CEP41: variants seen among roughly 807,000 people sequenced by gnomAD.
The protein encoded by CEP41 is centrosomal protein 41.
CEP41 carries 32 observed loss-of-function variants against 44.3 expected under a neutral mutation model. The ratio of observed to expected loss-of-function variants is 0.72; its 90% CI spans 0.54 to 0.97. The LOEUF (loss-of-function observed/expected upper bound fraction) is 0.97. Among genes scored for constraint, CEP41 ranks in the 50% least tolerant of loss-of-function variants. CEP41 has a pLI of 0.00. For synonymous variants in CEP41, 151 were observed against 168.5 expected (o/e 0.90, Z 0.80); for missense variants, 432 against 455.2 (o/e 0.95, Z 0.46).
chr7:130,411,329 C>T (rs187775875), intron 4 of CEP41, 138 bp from the exon 5 acceptor site: 17 of 726,938 alleles, frequency 2.3e-5, no homozygotes, highest in African/African-American at 6.9e-5. Context: ...CTCAACTGAA[C>T]GCTGAATCTC....
intron 1 of CEP41, among the ~76,000 whole-genome samples, chr7:130,433,332 A>G (rs902453064): frequency 2.6e-5 from 4 of 151,944 alleles, no homozygotes; most frequent in Admixed American, 6.6e-5. Context: ...TTGTTTTGAA[A>G]AAAAAAAAAA....
chr7:130,410,390 C>T (rs1797145646), intron 5 of CEP41, among the ~76,000 whole-genome samples: 1 of 152,076 alleles, frequency 6.6e-6, no homozygotes, highest in Non-Finnish European at 1.5e-5. Context: ...TTGGAACTCT[C>T]CCACAACATC....
chr7:130,411,891 T>C, intron 4 of CEP41: 1 of 277,194 alleles, frequency 3.6e-6, no homozygotes, highest in Non-Finnish European at 6.7e-6. Context: ...AGATTCTAAA[T>C]ATTAAGTTAA....
At position 130,401,907 on chromosome 7, in the gene CEP41, G is replaced by C. The variant is rs143303575; in HGVS notation, c.616C>G (p.Pro206Ala). Residue 206 changes from proline to alanine, a missense_variant, in exon 8 of 11, where the codon CCT becomes GCT. Pro to Ala is a conservative substitution (Grantham distance 27). Transcript: ENST00000223208. Reference protein sequence around the residue: ...PIATLSRTMNPYSNDILEYKN... With the variant: ...PIATLSRTMNAYSNDILEYKN... Reference sequence around the variant, plus strand: ...TATTCAAGAATATCATTTGAATAAGGGTTCATTGTTCTAGACAGAGTTGCA... The same window carrying C: ...TATTCAAGAATATCATTTGAATAAGCGTTCATTGTTCTAGACAGAGTTGCA... 5,136 of 1,608,600 alleles carry C rather than the reference G, an allele frequency of 3.2e-3. 16 individuals are homozygous for C. The highest frequency in any genetic ancestry group is 3.8e-3 in the Non-Finnish European group (4,493 of 1,175,152).
Position 130,397,373 on chromosome 7 carries a change from A to G in CEP41, c.*1518T>C, listed in dbSNP as rs1554415131. The G allele has an allele frequency of 8.8e-6, 4 of 454,478 alleles. No individual in the cohort carries two copies. Among genetic ancestry groups the G allele is most frequent in the Non-Finnish European group, 1.8e-5 (4 of 226,750 alleles). The allele number at this position is 454,478 out of a possible 1,614,324, so 28.2% of individuals were successfully genotyped here. On this transcript the variant is annotated 3_prime_UTR_variant, in exon 11 of 11. Transcript: ENST00000223208. Reference sequence around the variant, plus strand: ...AAATGTTGCACTTTGGAAATCAAGTAGAGAAGAATAAACACACTCTAAAAC... The same window carrying G: ...AAATGTTGCACTTTGGAAATCAAGTGGAGAAGAATAAACACACTCTAAAAC...
Position 130,421,746 on chromosome 7 carries a change from T to C in CEP41, c.98-4780A>G, listed in dbSNP as rs1260123030. 16 of 1,204,102 alleles carry C rather than the reference T, an allele frequency of 1.3e-5. No homozygotes were observed. The East Asian group carries it at 4.8e-4, about 36-fold the overall frequency. The allele number at this position is 1,204,102 out of a possible 1,614,324, so 74.6% of individuals were successfully genotyped here. A position where few individuals can be genotyped will look rare whatever the true frequency, so the allele number is the denominator to read the frequency against. ...AAAGCTAAAGAAATTGGAAATTAGA[T>C]TGAATATAGATAGAAATGGGAGGAC... On this transcript the variant is annotated intron_variant, in intron 2 of 10. Coordinates refer to ENST00000223208, the MANE Select transcript of CEP41 (RefSeq NM_018718.3).
chr7:130,410,073 T>C (rs1297514612), intron 5 of CEP41, among the ~76,000 whole-genome samples: 2 of 143,632 alleles, frequency 1.4e-5, no homozygotes, highest in African/African-American at 5.2e-5. Context: ...TTGCCCAGGC[T>C]GGAGTGCAAT....
intron 3 of CEP41, among the ~76,000 whole-genome samples, chr7:130,412,620 G>A (rs184308131): frequency 2.4e-4 from 37 of 152,310 alleles, no homozygotes; most frequent in Non-Finnish European, 4.1e-4. Flanking sequence ...AGAAATGTCC[G>A]TGTTTTACAA....
At position 130,416,970 on chromosome 7, in the gene CEP41, A is replaced by C; in HGVS notation, c.98-4T>G. On this transcript the variant is annotated splice_polypyrimidine_tract_variant and splice_region_variant and intron_variant, in intron 2 of 10. Coordinates refer to ENST00000223208, the MANE Select transcript of CEP41 (RefSeq NM_018718.3). ...GTATATTTAGTCATACTGTTACCTA[A>C]AAAGAAAATAAGGGGTTTTAGATAT... The C allele has an allele frequency of 6.4e-7, 1 of 1,560,586 alleles. No individual in the cohort carries two copies. The highest frequency in any genetic ancestry group is 8.8e-7 in the Non-Finnish European group (1 of 1,131,520).
rs1314332546 is a variant in CEP41, at chr7:130,396,639, G to A, written c.*2252C>T. The A allele has an allele frequency of 2.2e-6, 1 of 454,400 alleles. No individual in the cohort carries two copies. Among genetic ancestry groups the A allele is most frequent in the Non-Finnish European group, 4.4e-6 (1 of 226,804 alleles). The allele number at this position is 454,400 out of a possible 1,614,324, so 28.1% of individuals were successfully genotyped here. A position where few individuals can be genotyped will look rare whatever the true frequency, so the allele number is the denominator to read the frequency against. On this transcript the variant is annotated 3_prime_UTR_variant, in exon 11 of 11. Coordinates refer to ENST00000223208, the MANE Select transcript of CEP41 (RefSeq NM_018718.3). ...ATCTAATGAAGAAACTGGCAAAGTA[G>A]AATGTTAAAAGCAATACCTCGAGCA...
Position 130,398,666 on chromosome 7 carries a change from T to A in CEP41, c.*225A>T. The A allele has an allele frequency of 1.4e-6, 1 of 723,412 alleles. No individual in the cohort carries two copies. Among genetic ancestry groups the A allele is most frequent in the Non-Finnish European group, 2.5e-6 (1 of 396,678 alleles). 44.8% of individuals were successfully genotyped at this position (723,412 alleles called of 1,614,324 possible). On this transcript the variant is annotated 3_prime_UTR_variant, in exon 11 of 11. Coordinates refer to ENST00000223208, the MANE Select transcript of CEP41 (RefSeq NM_018718.3). ...ATGCTGTAAACAACAGGGAGGAGAC[T>A]AGAGCCTGTCACACCTCTGGTTTTT... is the stretch of plus-strand genomic sequence containing the variant.
intron 2 of CEP41, 148 bp from the exon 3 acceptor site, chr7:130,417,114 T>C (rs1248387695): frequency 1.4e-6 from 2 of 1,431,206 alleles, no homozygotes; most frequent in African/African-American, 2.9e-5. Flanking sequence ...CCACACACAG[T>C]AAAATCTTTT....
rs1464703538 is a variant in CEP41 at position 130,397,053 on chromosome 7, A to T, written c.*1838T>A. The stretch of plus-strand genomic sequence containing the variant: ...AAATCTTTTTTCCTTAAAAATGTAT[A>T]TGTGGCAAAAATGGCTGAAAATCTT... On this transcript the variant is annotated 3_prime_UTR_variant, in exon 11 of 11. Coordinates refer to ENST00000223208, the MANE Select transcript of CEP41 (RefSeq NM_018718.3). The T allele has an allele frequency of 2.2e-6, 1 of 454,416 alleles. No individual in the cohort carries two copies. Among genetic ancestry groups the T allele is most frequent in the Non-Finnish European group, 4.4e-6 (1 of 226,798 alleles). 28.1% of individuals were successfully genotyped at this position (454,416 alleles called of 1,614,324 possible).
At chr7:130,437,764 C>CAAAAAAAAAAAAAAAAAAAAAAAAAAAA (rs1171735164) in intron 1 of CEP41, among the ~76,000 whole-genome samples, 1 of 32,426 alleles carries the variant, frequency 3.1e-5, no homozygotes, top group African/African-American at 1.2e-4. Flanking sequence ...AAGACTGTCT[C>CAAAAAAAAAAAAAAAAAAAAAAAAAAAA]AAAAAAAAAA....
Position 130,440,942 on chromosome 7 carries a change from T to A in CEP41, c.25A>T (p.Asn9Tyr). The change falls in exon 1 of 11, where the codon AAC becomes TAC. Residue 9 changes from asparagine (N) to tyrosine (Y), a missense_variant. Coordinates refer to ENST00000223208, the MANE Select transcript of CEP41 (RefSeq NM_018718.3). Reference sequence around the variant, plus strand: ...CGAGACCTGGCCCTCACCTCAGGGTTCCCAATGTGCCTCCGGAGGGACATA... The same window carrying A: ...CGAGACCTGGCCCTCACCTCAGGGTACCCAATGTGCCTCCGGAGGGACATA... Reference protein sequence around the residue: MSLRRHIGNPEYLMKRIPQ... With the variant: MSLRRHIGYPEYLMKRIPQ... The A allele has an allele frequency of 1.2e-6, 2 of 1,612,594 alleles. No individual in the cohort carries two copies. The highest frequency in any genetic ancestry group is 1.7e-5 in the Admixed American group (1 of 60,028).
chr7:130,408,587 CT>C (rs1429462753), intron 5 of CEP41, among the ~76,000 whole-genome samples: 1 of 152,024 alleles, frequency 6.6e-6, no homozygotes, highest in Non-Finnish European at 1.5e-5. Flanking sequence ...AATTATTCAG[CT>C]TTGGCTAGGA....
At chr7:130,412,844 C>G (rs1797223584) in intron 3 of CEP41, among the ~76,000 whole-genome samples, 1 of 152,196 alleles carries the variant, frequency 6.6e-6, no homozygotes, top group South Asian at 2.1e-4. Context: ...TCCAACTTCA[C>G]TCCAATAAAA....
In CEP41 at chr7:130,398,758, G is replaced by T; in HGVS notation, c.*133C>A. 9.3e-7 allele frequency: 1 copy of T among 1,078,766 alleles called. No individual in the cohort carries two copies. 66.8% of individuals were successfully genotyped at this position (1,078,766 alleles called of 1,614,324 possible). On this transcript the variant is annotated 3_prime_UTR_variant, in exon 11 of 11. Coordinates refer to ENST00000223208, the MANE Select transcript of CEP41 (RefSeq NM_018718.3). ...GGGAGAGGAACTGGAGACAGGGACA[G>T]GGAAGAGGCCTATCCCATACATATG...
intron 2 of CEP41, chr7:130,422,086 A>G: frequency 6.6e-7 from 1 of 1,508,388 alleles, no homozygotes; most frequent in African/African-American, 1.4e-5. Flanking sequence ...GTTTGAGTTC[A>G]TATGAGAAGC....
Sources: gnomAD v4.1 joint callset for allele counts (sites outside exome capture counted in the v4.1 genomes callset) on GRCh38, gnomAD v4.1.1 for gene constraint, MANE v1.5 for transcripts, NCBI Gene and HGNC (gene_info 2026-07-23, HGNC 2026-07-21) for gene names.